ATF1: variants seen among roughly 807,000 people sequenced by gnomAD.
The protein encoded by ATF1 is activating transcription factor 1.
A neutral mutation model predicts 34.7 loss-of-function variants in ATF1; 16 were observed. The ratio of observed to expected loss-of-function variants is 0.46; its 90% CI spans 0.31 to 0.70. The LOEUF (loss-of-function observed/expected upper bound fraction) is 0.70. Among genes scored for constraint, ATF1 ranks in the 30% least tolerant of loss-of-function variants. The pLI is 0.05. For synonymous variants in ATF1, 105 were observed against 113.1 expected, an observed-to-expected ratio of 0.93 and a Z score of 0.46; for missense variants, 255 against 321.6, an observed-to-expected ratio of 0.79 and a Z score of 1.58.
chr12:50,771,338 T>A (rs761368541), intron 1 of ATF1, among the ~76,000 whole-genome samples: 11 of 152,140 alleles, frequency 7.2e-5, no homozygotes, highest in Non-Finnish European at 1.3e-4. Flanking sequence ...TATATTGCTG[T>A]TATACTTTTT....
chr12:50,799,902 CAGAA>C (rs370378551), intron 3 of ATF1, among the ~76,000 whole-genome samples: 19 of 152,084 alleles, frequency 1.2e-4, no homozygotes, highest in African/African-American at 4.6e-4. Context: ...ATTAGAGTCT[CAGAA>C]AGAGAGGAAA....
At position 50,820,135 on chromosome 12, in the gene ATF1, CATTT is replaced by C. The variant is rs1941920737; in HGVS notation, c.*357_*360del. The C allele has an allele frequency of 8.4e-6, 2 of 237,138 alleles. No individual in the cohort carries two copies. The highest frequency in any genetic ancestry group is 4.5e-5 in the African/African-American group (2 of 44,574). The allele number at this position is 237,138 out of a possible 1,614,324, so 14.7% of individuals were successfully genotyped here. Reference sequence around the variant, plus strand: ...AAAATCCATTTACCCTACAGGTTTGCATTTGTTTGCTGAAATTTACCTTTTTTTA... The same window carrying C: ...AAAATCCATTTACCCTACAGGTTTGCGTTTGCTGAAATTTACCTTTTTTTA... On this transcript the variant is annotated 3_prime_UTR_variant, in exon 7 of 7. Coordinates refer to ENST00000262053, the MANE Select transcript of ATF1 (RefSeq NM_005171.5).
intron 1 of ATF1, among the ~76,000 whole-genome samples, chr12:50,766,192 C>T (rs1388885914): frequency 2.0e-5 from 3 of 152,108 alleles, no homozygotes; most frequent in East Asian, 1.9e-4. Flanking sequence ...GCCACAGAAG[C>T]GACTATACTG....
intron 2 of ATF1, among the ~76,000 whole-genome samples, chr12:50,787,599 G>A (rs1941211484): frequency 1.3e-5 from 2 of 151,934 alleles, no homozygotes; most frequent in Admixed American, 6.6e-5. Flanking sequence ...AAAAAAGCCA[G>A]GCATGGTGGT....
chr12:50,784,462 G>C (rs1941140531), intron 2 of ATF1, among the ~76,000 whole-genome samples: 1 of 152,168 alleles, frequency 6.6e-6, no homozygotes, highest in African/African-American at 2.4e-5. Context: ...GTAAAACTGT[G>C]AGACTAATAT....
intron 2 of ATF1, among the ~76,000 whole-genome samples, chr12:50,782,317 G>A (rs752328735): frequency 5.7e-4 from 86 of 151,726 alleles, no homozygotes; most frequent in Non-Finnish European, 9.3e-4. Context: ...GTGCAGTGGC[G>A]CGATCTCGGC....
Position 50,773,644 on chromosome 12 carries a change from G to C in ATF1, c.-6-6496G>C, listed in dbSNP as rs953827784. On this transcript the variant is annotated intron_variant, in intron 1 of 6. Transcript: ENST00000262053. ...GCTCTCTTGCCCACGTTGGAGTGCA[G>C]TGGTGCAATTTCTGTTCACTGCATC... Among the ~76,000 whole-genome samples, 14 of 151,776 alleles carry C rather than the reference G, an allele frequency of 9.2e-5. No individual in the cohort carries two copies. In the East Asian group the frequency reaches 2.7e-3, roughly 29 times the overall value.
intron 5 of ATF1, 28 bp from the exon 6 acceptor site, chr12:50,814,252 A>C (rs2139696256): frequency 6.2e-7 from 1 of 1,613,700 alleles, no homozygotes; most frequent in East Asian, 2.2e-5. Context: ...CTTACTAACT[A>C]ACTCATTCAC....
chr12:50,789,778 A>G (rs1463868709), intron 2 of ATF1, among the ~76,000 whole-genome samples: 1 of 151,900 alleles, frequency 6.6e-6, no homozygotes, highest in African/African-American at 2.4e-5. Flanking sequence ...AAAAAAAAAG[A>G]TTGGGGGACC....
At position 50,821,004 on chromosome 12, in the gene ATF1, C is replaced by T. The variant is rs919281949; in HGVS notation, c.*1225C>T. ...TTCAAAAATACTGTCAGTACACCAG[C>T]GTTTAACATCTATATTCCAATTTGT... On this transcript the variant is annotated 3_prime_UTR_variant, in exon 7 of 7. Coordinates refer to ENST00000262053, the MANE Select transcript of ATF1 (RefSeq NM_005171.5). 2.2e-5 allele frequency: 4 copies of T among 180,206 alleles called. No individual in the cohort carries two copies. Among genetic ancestry groups the T allele is most frequent in the East Asian group, 9.2e-5 (1 of 10,894 alleles). 11.2% of individuals were successfully genotyped at this position (180,206 alleles called of 1,614,324 possible).
chr12:50,783,815 C>A (rs550317581), intron 2 of ATF1, among the ~76,000 whole-genome samples: 2 of 147,648 alleles, frequency 1.4e-5, no homozygotes, highest in Non-Finnish European at 3.0e-5. Flanking sequence ...TGCAGTGAGC[C>A]GAGATCATAC....
At chr12:50,803,924 G>C (rs1326266968) in intron 3 of ATF1, among the ~76,000 whole-genome samples, 3 of 152,212 alleles carry the variant, frequency 2.0e-5, no homozygotes, top group Non-Finnish European at 4.4e-5. Flanking sequence ...GTAGGCAAGT[G>C]GTTGGTTAGC....
rs1271447842 is a variant in ATF1 at position 50,770,559 on chromosome 12, C to T, written c.-7+6252C>T. On this transcript the variant is annotated intron_variant, in intron 1 of 6. Transcript: ENST00000262053. ...GATTCCTTATGAAACAGAGTTCCAT[C>T]AAAGCCAATTAAAAAGCCTATGTGA... is the stretch of plus-strand genomic sequence containing the variant. 5.3e-5 allele frequency among the ~76,000 whole-genome samples: 8 copies of T among 152,160 alleles called. 1 individual carries two copies.
intron 1 of ATF1, among the ~76,000 whole-genome samples, chr12:50,772,907 C>T (rs1940812427): frequency 6.6e-6 from 1 of 152,132 alleles, no homozygotes; most frequent in South Asian, 2.1e-4. Context: ...TCCTGATGCT[C>T]TCCCTTCCCC....
intron 2 of ATF1, 128 bp downstream of exon 2, chr12:50,780,366 C>A: frequency 2.5e-6 from 2 of 789,422 alleles, no homozygotes; most frequent in Non-Finnish European, 3.9e-6. Context: ...TTTTTCGAGG[C>A]AGATTTTTGC....
intron 2 of ATF1, among the ~76,000 whole-genome samples, chr12:50,794,540 G>T (rs965285180): frequency 6.6e-6 from 1 of 151,800 alleles, no homozygotes; most frequent in Non-Finnish European, 1.5e-5. Flanking sequence ...ACTCCAGCCT[G>T]GGCGACACAG....
At chr12:50,784,631 T>TG (rs1325797359) in intron 2 of ATF1, among the ~76,000 whole-genome samples, 2 of 152,054 alleles carry the variant, frequency 1.3e-5, no homozygotes, top group African/African-American at 4.8e-5. Flanking sequence ...CTGGGTGACG[T>TG]GGGGAACCTT....
chr12:50,808,433 ATTC>A (rs1464167824), intron 3 of ATF1, among the ~76,000 whole-genome samples: 1 of 151,284 alleles, frequency 6.6e-6, no homozygotes, highest in African/African-American at 2.4e-5. Context: ...GGTTCAAGCA[ATTC>A]TTCTACCTCA....
In ATF1 at chr12:50,797,848, G is replaced by A. The variant is rs972776613; in HGVS notation, c.194+1839G>A. ...TACTGAACAGTCTTTCAAAAATGAC[G>A]GTGAAATAATAATCATTTTCAAACT... On this transcript the variant is annotated intron_variant, in intron 3 of 6. Coordinates refer to ENST00000262053, the MANE Select transcript of ATF1 (RefSeq NM_005171.5). Among the ~76,000 whole-genome samples the A allele has an allele frequency of 5.3e-5, 8 of 152,012 alleles. No individual in the cohort carries two copies. The East Asian group carries it at 9.7e-4, about 18-fold the overall frequency.
Sources: allele counts gnomAD v4.1 joint callset (sites outside exome capture counted in the v4.1 genomes callset), GRCh38; gene constraint gnomAD v4.1.1; transcripts MANE v1.5; gene names NCBI Gene and HGNC (gene_info 2026-07-23, HGNC 2026-07-21).